SLC9A9: variants seen among roughly 807,000 people sequenced by gnomAD.
SLC9A9 encodes sodium/hydrogen exchanger 9.
SLC9A9 carries 62 observed loss-of-function variants against 77.8 expected under a neutral mutation model. The observed-to-expected ratio is 0.80, with a 90% CI of 0.65 to 0.98. SLC9A9 has a LOEUF of 0.98. Among genes scored for constraint, SLC9A9 ranks in the 50% least tolerant of loss-of-function variants. The pLI is 0.00. For synonymous variants in SLC9A9, 320 were observed against 283.5 expected (o/e 1.13, Z -1.29); for missense variants, 775 against 774.9 (o/e 1.00, Z 0.00).
At chr3:143,359,333 A>G (rs1385660855) in intron 14 of SLC9A9, among the ~76,000 whole-genome samples, 2 of 152,196 alleles carry the variant, frequency 1.3e-5, no homozygotes, top group Non-Finnish European at 2.9e-5. Flanking sequence ...TCCTGGTTGG[A>G]GGGAACTATT....
chr3:143,734,818 G>A (rs1934899024), intron 4 of SLC9A9, among the ~76,000 whole-genome samples: 1 of 152,040 alleles, frequency 6.6e-6, no homozygotes. Flanking sequence ...GACAGAGCTG[G>A]GAGGTGAACT....
chr3:143,382,644 A>C (rs905141), intron 12 of SLC9A9, among the ~76,000 whole-genome samples: 61,807 of 151,986 alleles, frequency 0.41, 12,709 homozygotes, highest in Admixed American at 0.46. Context: ...CAAAAATATA[A>C]ACACAAAATT....
At chr3:143,681,368 G>A (rs889046777) in intron 5 of SLC9A9, among the ~76,000 whole-genome samples, 1 of 151,986 alleles carries the variant, frequency 6.6e-6, no homozygotes, top group Non-Finnish European at 1.5e-5. Flanking sequence ...TCACAGATAT[G>A]ATTATATATT....
chr3:143,540,555 G>C (rs1379555985), intron 9 of SLC9A9, among the ~76,000 whole-genome samples: 1 of 152,074 alleles, frequency 6.6e-6, no homozygotes, highest in Non-Finnish European at 1.5e-5. Context: ...GTGATAAAAG[G>C]ATAAAACAAT....
At chr3:143,802,185 G>A (rs1333269116) in intron 2 of SLC9A9, among the ~76,000 whole-genome samples, 1 of 152,138 alleles carries the variant, frequency 6.6e-6, no homozygotes, top group African/African-American at 2.4e-5. Flanking sequence ...ATGGTTCTTA[G>A]ACCAAGGAAA....
rs140461665 is a variant in SLC9A9 at position 143,464,879 on chromosome 3, G to T, written c.1469+2158C>A. 3.8e-3 allele frequency among the ~76,000 whole-genome samples: 578 copies of T among 152,258 alleles called. 5 individuals are homozygous for T. The highest frequency in any genetic ancestry group is 0.013 in the African/African-American group (553 of 41,546). Reference sequence around the variant, plus strand: ...ATCTATCTGTCTGGGTTTACTTCCTGGGTGCCCACAAATCTATGAACTTCA... The same window carrying T: ...ATCTATCTGTCTGGGTTTACTTCCTTGGTGCCCACAAATCTATGAACTTCA... On this transcript the variant is annotated intron_variant, in intron 12 of 15. Transcript: ENST00000316549.
chr3:143,773,885 T>G (rs2007609652), intron 4 of SLC9A9, among the ~76,000 whole-genome samples: 1 of 152,190 alleles, frequency 6.6e-6, no homozygotes. Flanking sequence ...CAGTGTGAGG[T>G]TCATTGCATC....
At chr3:143,562,714 A>G (rs1046760399) in intron 8 of SLC9A9, among the ~76,000 whole-genome samples, 2 of 151,152 alleles carry the variant, frequency 1.3e-5, no homozygotes, top group Non-Finnish European at 2.9e-5. Flanking sequence ...ATAAAATCTG[A>G]TCATTCTGTT....
At chr3:143,747,624 A>C (rs1935226211) in intron 4 of SLC9A9, among the ~76,000 whole-genome samples, 1 of 152,178 alleles carries the variant, frequency 6.6e-6, no homozygotes, top group Admixed American at 6.5e-5. Flanking sequence ...AGACTAGAGT[A>C]ATGCAGTCAT....
chr3:143,698,879 C>A (rs1170304094), intron 4 of SLC9A9, among the ~76,000 whole-genome samples: 1 of 152,142 alleles, frequency 6.6e-6, no homozygotes, highest in Non-Finnish European at 1.5e-5. Context: ...TGAAATAGGC[C>A]ACTGTGTACA....
At chr3:143,475,724 A>T (rs924112624) in intron 11 of SLC9A9, among the ~76,000 whole-genome samples, 1 of 151,444 alleles carries the variant, frequency 6.6e-6, no homozygotes, top group East Asian at 1.9e-4. Context: ...CCTGGGAGGC[A>T]GAGCTTGCAG....
At chr3:143,625,526 A>G (rs1222213415) in intron 6 of SLC9A9, among the ~76,000 whole-genome samples, 1 of 152,234 alleles carries the variant, frequency 6.6e-6, no homozygotes, top group African/African-American at 2.4e-5. Flanking sequence ...AAGATTCCCT[A>G]TTTAATAAAA....
At chr3:143,267,869 G>C (rs76407651) in intron 15 of SLC9A9, among the ~76,000 whole-genome samples, 26 of 152,330 alleles carry the variant, frequency 1.7e-4, no homozygotes, top group Admixed American at 5.9e-4. Context: ...TAAACTACTT[G>C]TAGAATGGGC....
chr3:143,525,329 A>G (rs1006035027), intron 9 of SLC9A9, among the ~76,000 whole-genome samples: 1 of 152,200 alleles, frequency 6.6e-6, no homozygotes, highest in African/African-American at 2.4e-5. Flanking sequence ...TTATATGCCA[A>G]ATGATATCCC....
intron 6 of SLC9A9, among the ~76,000 whole-genome samples, chr3:143,616,981 TAAG>T (rs757111840): frequency 5.3e-5 from 8 of 152,142 alleles, no homozygotes; most frequent in Non-Finnish European, 7.4e-5. Context: ...CACAGTGTGA[TAAG>T]AAGAATGCTC....
At chr3:143,487,263 C>A in intron 11 of SLC9A9, among the ~76,000 whole-genome samples, 1 of 151,716 alleles carries the variant, frequency 6.6e-6, no homozygotes, top group Non-Finnish European at 1.5e-5. Context: ...TGACAGACCA[C>A]CATAACATAT....
rs149349336 is a variant in SLC9A9 at position 143,407,924 on chromosome 3, G to A, written c.1470-25810C>T. On this transcript the variant is annotated intron_variant, in intron 12 of 15. Coordinates refer to ENST00000316549, the MANE Select transcript of SLC9A9 (RefSeq NM_173653.4). Reference sequence around the variant, plus strand: ...AAACTGGAAATGGATGGTTCAAACAGAAATTTGTTTCTCACAGTTCTGAGG... The same window carrying A: ...AAACTGGAAATGGATGGTTCAAACAAAAATTTGTTTCTCACAGTTCTGAGG... Among the ~76,000 whole-genome samples, 639 of 152,300 alleles carry A rather than the reference G, an allele frequency of 4.2e-3. 4 individuals carry two copies. Among genetic ancestry groups the A allele is most frequent in the African/African-American group, 0.015 (608 of 41,552 alleles).
At chr3:143,565,438 A>G (rs1473774961) in intron 8 of SLC9A9, among the ~76,000 whole-genome samples, 1 of 152,182 alleles carries the variant, frequency 6.6e-6, no homozygotes, top group African/African-American at 2.4e-5. Context: ...GACTGAAAAC[A>G]TTTACAATGA....
At chr3:143,485,546 T>A (rs928602747) in intron 11 of SLC9A9, among the ~76,000 whole-genome samples, 4 of 152,020 alleles carry the variant, frequency 2.6e-5, no homozygotes. Context: ...TCAGGCTGAT[T>A]CCCAGAACAG....
Sources: gnomAD v4.1 joint callset for allele counts (sites outside exome capture counted in the v4.1 genomes callset) on GRCh38, gnomAD v4.1.1 for gene constraint, MANE v1.5 for transcripts, NCBI Gene and HGNC (gene_info 2026-07-23, HGNC 2026-07-21) for gene names.